ABCC1: variants seen among roughly 807,000 people sequenced by gnomAD.
ABCC1 encodes multidrug resistance-associated protein 1.
Under a neutral mutation model 172.9 loss-of-function variants are expected in ABCC1, and 83 were observed. The ratio of observed to expected loss-of-function variants is 0.48; its 90% confidence interval spans 0.40 to 0.58. ABCC1 has a LOEUF of 0.58. Ranked by LOEUF, ABCC1 falls within the 20% of genes least tolerant of loss-of-function variation. The pLI is 0.00. For missense variants in ABCC1, 1,817 were observed against 2,002.7 expected, an observed-to-expected ratio of 0.91 and a Z score of 1.77; for synonymous variants, 937 against 825.2, an observed-to-expected ratio of 1.14 and a Z score of -2.32.
At chr16:16,029,528 T>C (rs532564604) in intron 5 of ABCC1, among the ~76,000 whole-genome samples, 1 of 152,302 alleles carries the variant, frequency 6.6e-6, no homozygotes, top group Admixed American at 6.5e-5. Context: ...CCAGCTGCCA[T>C]GAGCTCTTTA....
At position 16,102,690 on chromosome 16, in the gene ABCC1, C is replaced by A; in HGVS notation, c.2708C>A (p.Thr903Lys). The A allele has an allele frequency of 6.3e-7, 1 of 1,587,712 alleles. No homozygotes were observed. Among genetic ancestry groups the A allele is most frequent in the Non-Finnish European group, 8.6e-7 (1 of 1,166,838 alleles). The change falls in exon 20 of 31, where the codon ACG (threonine) becomes AAG (lysine). Residue 903 changes from threonine (T) to lysine (K), a missense_variant. Around this residue, in one of 3 missense-constraint regions of ABCC1, gnomAD observed 1,412 missense variants for 1,600.3 expected, o/e 0.88. Transcript: ENST00000399410. The stretch of plus-strand genomic sequence containing the variant: ...CAAATGGAGAATGGCATGCTGGTGA[C>A]GGACAGTGCAGGGAAGCAACTGCAG... ...AKQMENGMLV[T>K]DSAGKQLQRQ...
At chr16:16,028,372 C>T (rs573089411) in intron 5 of ABCC1, among the ~76,000 whole-genome samples, 22 of 152,260 alleles carry the variant, frequency 1.4e-4, no homozygotes, top group African/African-American at 5.1e-4. Context: ...GTCCGCGGCA[C>T]TTCACCCACA....
At chr16:16,020,440 C>T (rs2151782760) in intron 5 of ABCC1, among the ~76,000 whole-genome samples, 2 of 152,298 alleles carry the variant, frequency 1.3e-5, no homozygotes, top group South Asian at 4.1e-4. Context: ...CAGGAGTTAG[C>T]CAGTAGCCCA....
rs779040246 is a variant in ABCC1 at position 16,134,458 on chromosome 16, G to A, written c.4075G>A (p.Ala1359Thr). The change falls in exon 28 of 31, where the codon GCC (alanine) becomes ACC (threonine). Residue 1359 changes from alanine (A) to threonine (T), a missense_variant. By Grantham distance (58) the Ala-to-Thr change is moderately conservative. Around this residue, in one of 3 missense-constraint regions of ABCC1, gnomAD observed 1,412 missense variants for 1,600.3 expected, o/e 0.88. Transcript: ENST00000399410. ...GATCATCATCGATGGCATCAACATC[G>A]CCAAGATCGGCCTGCACGACCTCCG... ...GEIIIDGINIAKIGLHDLRFK... is the reference protein window; with the variant it reads ...GEIIIDGINITKIGLHDLRFK... 21 of 1,613,972 alleles carry A rather than the reference G, an allele frequency of 1.3e-5. No homozygotes were observed. The South Asian group carries it at 1.8e-4, about 14-fold the overall frequency.
chr16:16,025,673 G>T (rs1302988436), intron 5 of ABCC1, among the ~76,000 whole-genome samples: 4 of 152,186 alleles, frequency 2.6e-5, no homozygotes, highest in African/African-American at 9.7e-5. Flanking sequence ...TGCGCTCCAA[G>T]AATCAGTGCC....
At chr16:16,023,211 G>GT (rs1266478237) in intron 5 of ABCC1, among the ~76,000 whole-genome samples, 22 of 152,242 alleles carry the variant, frequency 1.4e-4, no homozygotes, top group African/African-American at 4.6e-4. Context: ...ACTGAACCTA[G>GT]TTTTTTTGAT....
At chr16:15,990,718 C>T (rs961381281) in intron 1 of ABCC1, among the ~76,000 whole-genome samples, 2 of 151,752 alleles carry the variant, frequency 1.3e-5, no homozygotes, top group African/African-American at 4.8e-5. Flanking sequence ...GGCACGATCT[C>T]GGCTCACTGC....
At chr16:16,077,147 A>G (rs1196934821) in intron 15 of ABCC1, among the ~76,000 whole-genome samples, 7 of 152,206 alleles carry the variant, frequency 4.6e-5, no homozygotes, top group Non-Finnish European at 1.5e-5. Context: ...AGAGGCCTTG[A>G]TCAACAGCTT....
intron 1 of ABCC1, among the ~76,000 whole-genome samples, chr16:15,982,776 A>T (rs1452476537): frequency 2.3e-5 from 3 of 131,994 alleles, no homozygotes; most frequent in African/African-American, 8.5e-5. Flanking sequence ...ACTGCACTCC[A>T]GTCTGGGCAA....
In ABCC1 at chr16:16,009,864, T is replaced by G. The variant is rs377283238; in HGVS notation, c.314T>G (p.Val105Gly). Residue 105 changes from valine to glycine, a missense_variant, in exon 3 of 31, where the codon GTG (valine) becomes GGG (glycine). Physicochemically the swap from Val to Gly is moderately radical, Grantham distance 109. This residue lies in a region of ABCC1 where 398 missense variants were observed against 384.2 expected (regional missense o/e 1.04). Coordinates refer to ENST00000399410, the MANE Select transcript of ABCC1 (RefSeq NM_004996.4). ...AGTCGGGGCATATTCCTGGCCCCAG[T>G]GTTTCTGGTCAGCCCAACTCTCTTG... ...ERSRGIFLAPVFLVSPTLLGI... is the reference protein window; with the variant it reads ...ERSRGIFLAPGFLVSPTLLGI... The G allele has an allele frequency of 1.9e-6, 3 of 1,611,222 alleles. No individual in the cohort carries two copies. Among genetic ancestry groups the G allele is most frequent in the Non-Finnish European group, 1.7e-6 (2 of 1,179,008 alleles).
intron 19 of ABCC1, among the ~76,000 whole-genome samples, chr16:16,099,117 C>A (rs2051612519): frequency 6.6e-6 from 1 of 152,214 alleles, no homozygotes; most frequent in Non-Finnish European, 1.5e-5. Flanking sequence ...TCCCCAGATC[C>A]CTTTATTGTC....
intron 4 of ABCC1, 26 bp from the exon 5 acceptor site, chr16:16,016,470 T>G (rs758845849): frequency 6.2e-7 from 1 of 1,613,292 alleles, no homozygotes; most frequent in African/African-American, 1.3e-5. Flanking sequence ...TGTGATCTTT[T>G]TCTTCCTTCC....
chr16:16,033,074 C>G, intron 5 of ABCC1, 35 bp from the exon 6 acceptor site: 1 of 1,604,602 alleles, frequency 6.2e-7, no homozygotes, highest in African/African-American at 1.3e-5. Flanking sequence ...ATTCCTTTCC[C>G]TCTTCCTCCC....
intron 5 of ABCC1, among the ~76,000 whole-genome samples, chr16:16,029,755 C>T (rs929496065): frequency 6.6e-6 from 1 of 152,158 alleles, no homozygotes; most frequent in Non-Finnish European, 1.5e-5. Flanking sequence ...ATGGCTCATG[C>T]CTGTAATTCC....
At chr16:16,124,400 T>TGTATGG (rs1555502647) in intron 24 of ABCC1, among the ~76,000 whole-genome samples, 1 of 130,396 alleles carries the variant, frequency 7.7e-6, no homozygotes, top group Non-Finnish European at 1.7e-5. Context: ...TGTGTGTGTG[T>TGTATGG]GTGTGTGTGT....
At chr16:15,951,361 CTCAT>C (rs758159029) in intron 1 of ABCC1, among the ~76,000 whole-genome samples, 48 of 152,144 alleles carry the variant, frequency 3.2e-4, no homozygotes, top group Admixed American at 2.0e-4. Context: ...TCTTAAGAAA[CTCAT>C]TCACGAAGTC....
At chr16:16,035,310 T>C (rs1456553047) in intron 6 of ABCC1, among the ~76,000 whole-genome samples, 3 of 151,924 alleles carry the variant, frequency 2.0e-5, no homozygotes, top group Admixed American at 2.0e-4. Context: ...GGCAGGAGAA[T>C]TGCTAGAATA....
At chr16:16,137,016 T>G (rs1437224300) in intron 29 of ABCC1, among the ~76,000 whole-genome samples, 1 of 152,192 alleles carries the variant, frequency 6.6e-6, no homozygotes, top group Non-Finnish European at 1.5e-5. Flanking sequence ...ACCAGGATCC[T>G]GGAGCTCTGT....
chr16:16,073,936 G>A (rs954615946), intron 14 of ABCC1, among the ~76,000 whole-genome samples: 2 of 152,178 alleles, frequency 1.3e-5, no homozygotes, highest in Non-Finnish European at 2.9e-5. Context: ...CCTCGCAGGC[G>A]CTCAGGTATC....
Sources: gnomAD v4.1 joint callset for allele counts (sites outside exome capture counted in the v4.1 genomes callset) on GRCh38, gnomAD v4.1.1 for gene constraint, gnomAD v4.1.1 regional missense constraint, MANE v1.5 for transcripts, NCBI Gene and HGNC (gene_info 2026-07-23, HGNC 2026-07-21) for gene names.